Variants in GPC5 observed in about 807,000 individuals in gnomAD.
GPC5 encodes glypican 5, also known as glypican-5.
In GPC5, 47 loss-of-function variants were observed where a neutral mutation model predicts 53.9. The ratio of observed to expected loss-of-function variants is 0.87; its 90% CI spans 0.69 to 1.11. GPC5 has a LOEUF of 1.11. Among genes scored for constraint, GPC5 ranks in the 50% most tolerant of loss-of-function variants. The pLI is 0.00. For missense variants in GPC5, 748 were observed against 713.1 expected, an observed-to-expected ratio of 1.05 and a Z score of -0.56; for synonymous variants, 286 against 263.3, an observed-to-expected ratio of 1.09 and a Z score of -0.84.
chr13:92,386,592 G>A (rs1054183794), intron 7 of GPC5, among the ~76,000 whole-genome samples: 2 of 152,098 alleles, frequency 1.3e-5, no homozygotes, highest in South Asian at 4.1e-4. Context: ...GGTCTTCAAT[G>A]TGTTGTAATC....
intron 7 of GPC5, among the ~76,000 whole-genome samples, chr13:92,395,071 ATCTC>A (rs1461657319): frequency 6.6e-6 from 1 of 152,156 alleles, no homozygotes; most frequent in African/African-American, 2.4e-5. Context: ...TTACTTAATG[ATCTC>A]TCTCCTTTAA....
At chr13:92,203,657 A>T (rs1039858770) in intron 7 of GPC5, among the ~76,000 whole-genome samples, 68 of 104,216 alleles carry the variant, frequency 6.5e-4, no homozygotes, top group East Asian at 4.0e-3. Context: ...TATATATATA[A>T]AAAAATAAAT....
intron 6 of GPC5, among the ~76,000 whole-genome samples, chr13:92,107,515 A>C (rs2041519682): frequency 6.6e-6 from 1 of 152,112 alleles, no homozygotes; most frequent in Non-Finnish European, 1.5e-5. Flanking sequence ...AAAACTGTGC[A>C]TATTACTCTG....
At chr13:92,792,801 A>G (rs948674347) in intron 7 of GPC5, among the ~76,000 whole-genome samples, 1 of 152,182 alleles carries the variant, frequency 6.6e-6, no homozygotes, top group African/African-American at 2.4e-5. Flanking sequence ...CCATTACATA[A>G]TGGTAAAGGC....
At chr13:91,571,839 T>TGTGTGTATGTATACACACATATACGTGTG (rs1555325833) in intron 2 of GPC5, among the ~76,000 whole-genome samples, 1 of 91,132 alleles carries the variant, frequency 1.1e-5, no homozygotes, top group Non-Finnish European at 1.9e-5. Flanking sequence ...ACACATATAC[T>TGTGTGTATGTATACACACATATACGTGTG]TGTGTGTATA....
intron 1 of GPC5, among the ~76,000 whole-genome samples, chr13:91,443,856 T>G (rs1880608447): frequency 6.6e-6 from 1 of 152,208 alleles, no homozygotes; most frequent in African/African-American, 2.4e-5. Flanking sequence ...TTCTTTATCA[T>G]GTCTGTATCT....
intron 2 of GPC5, among the ~76,000 whole-genome samples, chr13:91,678,032 A>T (rs1293736233): frequency 1.3e-5 from 2 of 152,124 alleles, no homozygotes; most frequent in Non-Finnish European, 2.9e-5. Context: ...AAGAATTACA[A>T]TTTTTTTCTC....
intron 7 of GPC5, among the ~76,000 whole-genome samples, chr13:92,443,125 G>C (rs555741048): frequency 8.9e-4 from 136 of 152,242 alleles, no homozygotes; most frequent in Middle Eastern, 3.4e-3. Flanking sequence ...GAAGGAGAAG[G>C]GGGAGCAGGC....
intron 6 of GPC5, among the ~76,000 whole-genome samples, chr13:92,026,569 G>C (rs1326167681): frequency 6.6e-6 from 1 of 151,198 alleles, no homozygotes; most frequent in African/African-American, 2.4e-5. Flanking sequence ...ATGAGGTCCA[G>C]CTACCTTATA....
intron 2 of GPC5, among the ~76,000 whole-genome samples, chr13:91,476,116 T>A (rs1882914585): frequency 6.6e-6 from 1 of 152,172 alleles, no homozygotes; most frequent in Non-Finnish European, 1.5e-5. Context: ...AGGTAATTAT[T>A]TGTTGTGAGG....
intron 7 of GPC5, among the ~76,000 whole-genome samples, chr13:92,285,228 A>G (rs1023564787): frequency 2.0e-5 from 3 of 152,206 alleles, no homozygotes; most frequent in African/African-American, 4.8e-5. Context: ...CCACTGTTCA[A>G]TGAAATAAAA....
chr13:92,013,367 C>G (rs1230986940), intron 6 of GPC5, among the ~76,000 whole-genome samples: 1 of 152,124 alleles, frequency 6.6e-6, no homozygotes, highest in Admixed American at 6.5e-5. Context: ...GTCAAGCCAC[C>G]TCTCCTGAGA....
At chr13:91,927,411 G>C (rs1252121831) in intron 6 of GPC5, among the ~76,000 whole-genome samples, 1 of 151,970 alleles carries the variant, frequency 6.6e-6, no homozygotes, top group Non-Finnish European at 1.5e-5. Flanking sequence ...TTGCTTTTCT[G>C]TGAATGCTAG....
chr13:92,251,574 G>A (rs751738524), intron 7 of GPC5, among the ~76,000 whole-genome samples: 30 of 152,040 alleles, frequency 2.0e-4, no homozygotes, highest in Non-Finnish European at 4.1e-4. Context: ...ATGGGAACGA[G>A]CTAACTTCTT....
At chr13:92,294,826 C>CT (rs147963724) in intron 7 of GPC5, among the ~76,000 whole-genome samples, 3,207 of 98,956 alleles carry the variant, frequency 0.032, 77 homozygotes, top group Admixed American at 0.051. Context: ...TTTTTTTTTT[C>CT]TTTTTTTTTT....
intron 7 of GPC5, among the ~76,000 whole-genome samples, chr13:92,216,978 C>CA (rs61411051): frequency 0.026 from 2,387 of 93,490 alleles, 51 homozygotes; most frequent in African/African-American, 0.058. Context: ...GATCTTGTCT[C>CA]AAAAAAAAAA....
intron 4 of GPC5, among the ~76,000 whole-genome samples, chr13:91,730,797 G>T (rs553503178): frequency 6.6e-6 from 1 of 152,102 alleles, no homozygotes; most frequent in East Asian, 1.9e-4. Context: ...GTATGTAAAG[G>T]AATCTAAAAA....
At chr13:92,310,342 C>A (rs1202067715) in intron 7 of GPC5, among the ~76,000 whole-genome samples, 2 of 152,016 alleles carry the variant, frequency 1.3e-5, no homozygotes. Context: ...AGAAAATATT[C>A]TTGAAAGCAA....
chr13:91,945,529 A>T lies in GPC5; in HGVS notation c.1401+37472A>T, dbSNP rs1469083889. Reference sequence around the variant, plus strand: ...TATATTCCTTTTTATCTTTATTCTTATAGTATTTTTACATGAATGCTGAGA... The same window carrying T: ...TATATTCCTTTTTATCTTTATTCTTTTAGTATTTTTACATGAATGCTGAGA... On this transcript the variant is annotated intron_variant, in intron 6 of 7. Transcript: ENST00000377067. Among the ~76,000 whole-genome samples, 3 of 152,210 alleles carry T rather than the reference A, an allele frequency of 2.0e-5. No homozygotes were observed. In the South Asian group the frequency reaches 6.2e-4, roughly 32 times the overall value.
Sources: gnomAD v4.1 joint callset for allele counts (sites outside exome capture counted in the v4.1 genomes callset) on GRCh38, gnomAD v4.1.1 for gene constraint, MANE v1.5 for transcripts, NCBI Gene and HGNC (gene_info 2026-07-23, HGNC 2026-07-21) for gene names.